The following PIEZO1 variants were observed in gnomAD, a reference collection of about 807,000 sequenced individuals.
The protein encoded by PIEZO1 is piezo-type mechanosensitive ion channel component 1.
In PIEZO1, 296 loss-of-function variants were observed where a neutral mutation model predicts 297.2. The ratio of observed to expected loss-of-function variants is 1.00; its 90% CI spans 0.91 to 1.10. The LOEUF (loss-of-function observed/expected upper bound fraction) is 1.10. PIEZO1 is among the 50% of genes least tolerant of loss of function. PIEZO1 has a pLI of 0.00. For synonymous variants in PIEZO1, 2,427 were observed against 1,507.5 expected (o/e 1.61, Z -14.13); for missense variants, 5,018 against 3,455.5 (o/e 1.45, Z -11.34).
Position 88,733,939 on chromosome 16 carries a change from C to T in PIEZO1, c.2296G>A (p.Ala766Thr), listed in dbSNP as rs1466367293. ...ACCTGCGTGGCCTGGTGGGGAGTGG[C>T]CACGCCCAGCCCCTCGTCCCTGGAG... ...EDSRDEGLGV[A>T]TPHQATQVPE... The change falls in exon 17 of 51, where the codon GCC becomes ACC. Residue 766 changes from alanine to threonine, a missense_variant. Coordinates refer to ENST00000301015, the MANE Select transcript of PIEZO1 (RefSeq NM_001142864.4). 2.9e-5 allele frequency: 45 copies of T among 1,539,714 alleles called. No homozygotes were observed. Among genetic ancestry groups the T allele is most frequent in the Non-Finnish European group, 3.9e-5 (44 of 1,140,828 alleles).
intron 1 of PIEZO1, among the ~76,000 whole-genome samples, chr16:88,780,905 C>G (rs1450996834): frequency 6.6e-6 from 1 of 152,172 alleles, no homozygotes; most frequent in East Asian, 1.9e-4. Context: ...TGTAGGGAGC[C>G]AAAATCACGC....
Position 88,722,206 on chromosome 16 carries a change from T to C in PIEZO1, c.4955+12A>G, listed in dbSNP as rs1395642573. On this transcript the variant is annotated intron_variant, in intron 36 of 50. Coordinates refer to ENST00000301015, the MANE Select transcript of PIEZO1 (RefSeq NM_001142864.4). The stretch of plus-strand genomic sequence containing the variant: ...CATGGTGAGGCTGGTGTTGTGCGCG[T>C]CCCGCCCCCACCTGTCCAGGAGCAG... The C allele has an allele frequency of 1.3e-6, 2 of 1,543,290 alleles. No homozygotes were observed. The highest frequency in any genetic ancestry group is 2.0e-5 in the Admixed American group (1 of 50,776).
intron 1 of PIEZO1, among the ~76,000 whole-genome samples, chr16:88,771,230 C>T (rs1424106898): frequency 6.6e-6 from 1 of 152,214 alleles, no homozygotes; most frequent in African/African-American, 2.4e-5. Context: ...CCCAGTGACC[C>T]CCCCTTGGGA....
chr16:88,715,788 C>G lies in PIEZO1; in HGVS notation c.7383G>C (p.Glu2461Asp), dbSNP rs768807373. The G allele has an allele frequency of 3.2e-6, 5 of 1,550,344 alleles. No homozygotes were observed. The African/African-American group carries it at 5.5e-5, about 17-fold the overall frequency. Residue 2461 changes from glutamate (E) to aspartate (D), a missense_variant, in exon 51 of 51, where the codon GAG becomes GAC. Transcript: ENST00000301015. Reference protein sequence around the residue: ...IGKFVRGFFSEISHSIMFEEL... With the variant: ...IGKFVRGFFSDISHSIMFEEL... ...CCTCGAACATAATGGAGTGCGAGATCTCGCTGAAGAATCCGCGCACGAACT... is the reference window on the plus strand; with the variant it reads ...CCTCGAACATAATGGAGTGCGAGATGTCGCTGAAGAATCCGCGCACGAACT...
intron 1 of PIEZO1, among the ~76,000 whole-genome samples, chr16:88,755,903 G>A (rs987017133): frequency 3.3e-5 from 5 of 152,158 alleles, no homozygotes; most frequent in Admixed American, 2.0e-4. Context: ...ATGAGAAACC[G>A]GGGCCAGGGG....
intron 23 of PIEZO1, among the ~76,000 whole-genome samples, 169 bp from the exon 24 acceptor site, chr16:88,727,361 G>A (rs562861205): frequency 4.4e-4 from 67 of 152,356 alleles, no homozygotes; most frequent in Middle Eastern, 3.4e-3. Context: ...CCGGTGTGAG[G>A]GCATCTGCAC....
In PIEZO1 at chr16:88,727,454, C is replaced by T. The variant is rs558999927; in HGVS notation, c.3301+103G>A. 81 of 641,400 alleles carry T rather than the reference C, an allele frequency of 1.3e-4. 1 individual carries two copies. The South Asian group carries it at 1.3e-3, about 10-fold the overall frequency. 39.7% of individuals were successfully genotyped at this position (641,400 alleles called of 1,614,324 possible). On this transcript the variant is annotated intron_variant, in intron 23 of 50. Coordinates refer to ENST00000301015, the MANE Select transcript of PIEZO1 (RefSeq NM_001142864.4). ...GCAGGCCGCCATGTGCCTGACCACACCTCCGCCCGTGCACGCCTGTGTGCA... is the reference window on the plus strand; with the variant it reads ...GCAGGCCGCCATGTGCCTGACCACATCTCCGCCCGTGCACGCCTGTGTGCA...
At chr16:88,755,818 G>C (rs1413300745) in intron 1 of PIEZO1, among the ~76,000 whole-genome samples, 2 of 152,364 alleles carry the variant, frequency 1.3e-5, no homozygotes, top group African/African-American at 2.4e-5. Flanking sequence ...CGGTGGACAG[G>C]TGGGGACCGG....
At chr16:88,781,621 G>A (rs138893981) in intron 1 of PIEZO1, among the ~76,000 whole-genome samples, 56 of 152,330 alleles carry the variant, frequency 3.7e-4, no homozygotes, top group African/African-American at 1.1e-3. Flanking sequence ...ACTCTGCCAC[G>A]GCCATGCTCT....
At chr16:88,735,098 G>C (rs779423801) in intron 13 of PIEZO1, 37 bp downstream of exon 13, 1 of 1,549,682 alleles carries the variant, frequency 6.5e-7, no homozygotes, top group South Asian at 1.2e-5. Flanking sequence ...GGGCGGGCAG[G>C]CAGGAGGGCA....
intron 49 of PIEZO1, 27 bp from the exon 50 acceptor site, chr16:88,716,146 G>A (rs1912009202): frequency 6.5e-7 from 1 of 1,530,010 alleles, no homozygotes; most frequent in Non-Finnish European, 8.8e-7. Context: ...AGATCGTTGA[G>A]GCCGCAGGTC....
intron 44 of PIEZO1, chr16:88,719,239 G>C (rs1912255504): frequency 6.6e-6 from 2 of 301,002 alleles, no homozygotes; most frequent in Non-Finnish European, 1.3e-5. Context: ...TGGGGGAGTG[G>C]TCTGACGCAC....
chr16:88,725,284 G>A lies in PIEZO1; in HGVS notation c.4162+132C>T, dbSNP rs138475219. 993 of 702,426 alleles carry A rather than the reference G, an allele frequency of 1.4e-3. 9 individuals carry two copies. The African/African-American group carries it at 0.016, about 12-fold the overall frequency. 43.5% of individuals were successfully genotyped at this position (702,426 alleles called of 1,614,324 possible). A position where few individuals can be genotyped will look rare whatever the true frequency, so the allele number is the denominator to read the frequency against. On this transcript the variant is annotated intron_variant, in intron 29 of 50. Coordinates refer to ENST00000301015, the MANE Select transcript of PIEZO1 (RefSeq NM_001142864.4). ...CGGCCATGGGGCCTGCCAGACAGAG[G>A]GTGATCATGCGGACAGGACAGGCGG...
At chr16:88,748,205 C>T (rs568771282) in intron 2 of PIEZO1, among the ~76,000 whole-genome samples, 4 of 88,892 alleles carry the variant, frequency 4.5e-5, no homozygotes, top group East Asian at 4.0e-4. Flanking sequence ...CAAAGACCAG[C>T]GGAGGGCCCG....
intron 1 of PIEZO1, among the ~76,000 whole-genome samples, chr16:88,766,271 C>T (rs1480830032): frequency 1.3e-5 from 2 of 152,178 alleles, no homozygotes; most frequent in African/African-American, 2.4e-5. Context: ...CCTAAGGGCC[C>T]GGAGGAGGAA....
chr16:88,750,434 A>G (rs1009867448), intron 1 of PIEZO1, among the ~76,000 whole-genome samples: 6 of 152,370 alleles, frequency 3.9e-5, no homozygotes, highest in South Asian at 4.1e-4. Flanking sequence ...GCGCGCCTTC[A>G]GCCCAAATGC....
rs1912033662 is a variant in PIEZO1 at position 88,716,382 on chromosome 16, T to G, written c.7028A>C (p.Glu2343Ala). ...TARRQLASLL[E>A]GTSDQSVVIP... ...TCACACAGACTGGTCCGAGGTGCCC[T>G]CGAGCAGGCTGGCCAGCTGCCGCCG... Residue 2343 changes from glutamate (E) to alanine (A), a missense_variant, in exon 48 of 51, where the codon GAG (glutamate) becomes GCG (alanine). By Grantham distance (107) the Glu-to-Ala change is moderately radical. Transcript: ENST00000301015. 1 of 1,545,616 alleles carries G rather than the reference T, an allele frequency of 6.5e-7. No individual in the cohort carries two copies. Among genetic ancestry groups the G allele is most frequent in the African/African-American group, 1.4e-5 (1 of 73,082 alleles).
At position 88,721,256 on chromosome 16, in the gene PIEZO1, C is replaced by T; in HGVS notation, c.5578G>A (p.Glu1860Lys). The part of the protein sequence containing the change: ...PTDGTPEPQV[E>K]LRPRDTRRIS... ...CGCCTCGTATCACGGGGCCTGAGCT[C>T]CACTTGGGGTTCTGGGGTCCCGTCC... The change falls in exon 39 of 51, where the codon GAG becomes AAG. Residue 1860 changes from glutamate to lysine, a missense_variant. Physicochemically the swap from Glu to Lys is moderately conservative, Grantham distance 56. Coordinates refer to ENST00000301015, the MANE Select transcript of PIEZO1 (RefSeq NM_001142864.4). 6.5e-7 allele frequency: 1 copy of T among 1,543,502 alleles called. No individual in the cohort carries two copies. The highest frequency in any genetic ancestry group is 1.2e-5 in the South Asian group (1 of 84,042).
intron 2 of PIEZO1, chr16:88,743,746 T>G (rs1347103213): frequency 2.4e-6 from 1 of 422,774 alleles, no homozygotes; most frequent in East Asian, 7.2e-5. Context: ...TGCCCAGGAC[T>G]CCCTGTCCGC....
Sources: gnomAD v4.1 joint callset for allele counts (sites outside exome capture counted in the v4.1 genomes callset) on GRCh38, gnomAD v4.1.1 for gene constraint, MANE v1.5 for transcripts, NCBI Gene and HGNC (gene_info 2026-07-23, HGNC 2026-07-21) for gene names.